Variants in ADAM29 observed in about 807,000 individuals in gnomAD.
The protein encoded by ADAM29 is disintegrin and metalloproteinase domain-containing protein 29.
For synonymous variants in ADAM29, 367 were observed against 342.3 expected (o/e 1.07, Z -0.80); for missense variants, 969 against 1,001.8 (o/e 0.97, Z 0.44).
chr4:174,949,732 C>T (rs1481209044), intron 4 of ADAM29, among the ~76,000 whole-genome samples: 3 of 152,038 alleles, frequency 2.0e-5, no homozygotes, highest in East Asian at 1.9e-4. Context: ...TCCTGAATCC[C>T]GTCCTATTTC....
At chr4:174,926,274 G>A (rs926191974) in intron 2 of ADAM29, among the ~76,000 whole-genome samples, 4 of 151,986 alleles carry the variant, frequency 2.6e-5, no homozygotes, top group Non-Finnish European at 5.9e-5. Flanking sequence ...GCTTCAAATT[G>A]ATGCTCAGAC....
intron 4 of ADAM29, among the ~76,000 whole-genome samples, chr4:174,965,033 TTTAG>T (rs1746067699): frequency 6.6e-6 from 1 of 152,176 alleles, no homozygotes; most frequent in Non-Finnish European, 1.5e-5. Flanking sequence ...TACCAAAATC[TTTAG>T]TTATCATTTC....
intron 4 of ADAM29, among the ~76,000 whole-genome samples, chr4:174,939,477 A>G (rs1400742353): frequency 6.6e-6 from 1 of 152,216 alleles, no homozygotes; most frequent in Non-Finnish European, 1.5e-5. Flanking sequence ...TATTTCAAGT[A>G]TAGATTTCAC....
chr4:174,960,090 ATGAAGT>A (rs1355365979), intron 4 of ADAM29, among the ~76,000 whole-genome samples: 2 of 152,056 alleles, frequency 1.3e-5, no homozygotes, highest in East Asian at 3.9e-4. Context: ...TAAAGGTGTT[ATGAAGT>A]TGTTTATAAT....
rs1248006205 is a variant in ADAM29 at position 174,975,400 on chromosome 4, A to T, written c.-126A>T. On this transcript the variant is annotated 5_prime_UTR_variant, in exon 5 of 5. Transcript: ENST00000359240. Reference sequence around the variant, plus strand: ...AAAAGATGGATCTTTAATGATTAGCACTACACACTGACCAACTCAGAAGAA... The same window carrying T: ...AAAAGATGGATCTTTAATGATTAGCTCTACACACTGACCAACTCAGAAGAA... 30 of 850,788 alleles carry T rather than the reference A, an allele frequency of 3.5e-5. No individual in the cohort carries two copies. Among genetic ancestry groups the T allele is most frequent in the Non-Finnish European group, 4.8e-5 (28 of 581,598 alleles). The allele number at this position is 850,788 out of a possible 1,614,324, so 52.7% of individuals were successfully genotyped here.
Position 174,941,674 on chromosome 4 carries a change from G to A in ADAM29, c.-181+4661G>A, listed in dbSNP as rs1415436093. Among the ~76,000 whole-genome samples the A allele has an allele frequency of 3.9e-5, 6 of 152,114 alleles. No individual in the cohort carries two copies. In the East Asian group the frequency reaches 9.7e-4, roughly 24 times the overall value. ...GTCCCTCTCCTGACAAATGAGGATT[G>A]CAATTTGAGATGAGATTGGGGGGAC... On this transcript the variant is annotated intron_variant, in intron 4 of 4. Coordinates refer to ENST00000359240, the MANE Select transcript of ADAM29 (RefSeq NM_014269.4).
At position 174,976,509 on chromosome 4, in the gene ADAM29, T is replaced by G. The variant is rs1746808727; in HGVS notation, c.984T>G (p.Ile328Met). ...ACAAAACTTTGGGCACTTTTTCAAT[T>G]GCAGTGGCTCATCATCTAGGTCATA... ...FMNKTLGTFS[I>M]AVAHHLGHNL... is the part of the protein sequence containing the mutation. Residue 328 changes from isoleucine to methionine, a missense_variant, in exon 5 of 5, where the codon ATT becomes ATG. Coordinates refer to ENST00000359240, the MANE Select transcript of ADAM29 (RefSeq NM_014269.4). The G allele has an allele frequency of 1.2e-6, 2 of 1,611,466 alleles. No individual in the cohort carries two copies. The highest frequency in any genetic ancestry group is 2.2e-5 in the South Asian group (2 of 90,532).
chr4:174,970,446 C>A (rs139933117), intron 4 of ADAM29, among the ~76,000 whole-genome samples: 118 of 151,852 alleles, frequency 7.8e-4, no homozygotes, highest in African/African-American at 2.7e-3. Flanking sequence ...CTACCTCAAA[C>A]CACCCTTGAA....
intron 2 of ADAM29, among the ~76,000 whole-genome samples, chr4:174,927,369 AT>A (rs1171355971): frequency 6.6e-6 from 1 of 152,188 alleles, no homozygotes; most frequent in East Asian, 1.9e-4. Flanking sequence ...AAAAACTGCA[AT>A]TACTTTTGCA....
intron 4 of ADAM29, among the ~76,000 whole-genome samples, chr4:174,949,793 C>A (rs6841560): frequency 0.5 from 75,479 of 151,676 alleles, 19,520 homozygotes; most frequent in East Asian, 0.57. Context: ...TGCATCCATC[C>A]GCATTTAAAA....
intron 4 of ADAM29, among the ~76,000 whole-genome samples, chr4:174,943,092 C>T (rs1744635982): frequency 1.3e-5 from 2 of 152,184 alleles, no homozygotes; most frequent in Non-Finnish European, 2.9e-5. Context: ...GTGACCTTTG[C>T]TCCAGTTCCC....
At chr4:174,919,529 G>T (rs1164293708) in intron 1 of ADAM29, among the ~76,000 whole-genome samples, 2 of 152,142 alleles carry the variant, frequency 1.3e-5, no homozygotes, top group Admixed American at 6.6e-5. Flanking sequence ...CCACGTTGCA[G>T]TTCTCTTCTG....
Position 174,969,632 on chromosome 4 carries a change from C to T in ADAM29, c.-180-5714C>T, listed in dbSNP as rs527847632. On this transcript the variant is annotated intron_variant, in intron 4 of 4. Transcript: ENST00000359240. ...AGTAATGTACATACATAAAAGAATG[C>T]TATACCAACATAATTTTTTAAAGTT... Among the ~76,000 whole-genome samples, 22 of 151,850 alleles carry T rather than the reference C, an allele frequency of 1.4e-4. No individual in the cohort carries two copies. In the South Asian group the frequency reaches 4.6e-3, roughly 32 times the overall value.
chr4:174,952,350 C>CCA (rs70947476), intron 4 of ADAM29, among the ~76,000 whole-genome samples: 12,542 of 144,814 alleles, frequency 0.087, 1,087 homozygotes, highest in African/African-American at 0.24. Context: ...AGTGCAATAA[C>CCA]CACACACACA....
At chr4:174,954,256 C>T (rs1745363675) in intron 4 of ADAM29, among the ~76,000 whole-genome samples, 1 of 152,110 alleles carries the variant, frequency 6.6e-6, no homozygotes, top group Non-Finnish European at 1.5e-5. Flanking sequence ...CCCTTTGCCT[C>T]TCATTTCCTG....
Position 174,951,321 on chromosome 4 carries a change from T to C in ADAM29, c.-181+14308T>C, listed in dbSNP as rs147583092. ...AAACATATGCCAGTTCTAAATAGCG[T>C]TGATTATTATTCTTTAAAGGTACTT... On this transcript the variant is annotated intron_variant, in intron 4 of 4. Transcript: ENST00000359240. Among the ~76,000 whole-genome samples the C allele has an allele frequency of 5.0e-3, 758 of 152,288 alleles. 8 individuals carry two copies. Among genetic ancestry groups the C allele is most frequent in the African/African-American group, 0.017 (688 of 41,564 alleles).
At chr4:174,969,062 T>C (rs1401946365) in intron 4 of ADAM29, among the ~76,000 whole-genome samples, 2 of 152,058 alleles carry the variant, frequency 1.3e-5, no homozygotes, top group Non-Finnish European at 2.9e-5. Context: ...ACAAAGACTT[T>C]CCATCACATA....
chr4:174,932,868 C>T (rs1283848764), intron 3 of ADAM29, among the ~76,000 whole-genome samples: 1 of 152,092 alleles, frequency 6.6e-6, no homozygotes, highest in Non-Finnish European at 1.5e-5. Context: ...TGTCAGGAAT[C>T]AAAGAATAGA....
chr4:174,922,578 T>C (rs2110892049), intron 2 of ADAM29, among the ~76,000 whole-genome samples: 1 of 152,238 alleles, frequency 6.6e-6, no homozygotes, highest in South Asian at 2.1e-4. Flanking sequence ...CATACTTTGG[T>C]GGGTTTTTAC....
Sources: gnomAD v4.1 joint callset for allele counts (sites outside exome capture counted in the v4.1 genomes callset) on GRCh38, gnomAD v4.1.1 for gene constraint, MANE v1.5 for transcripts, NCBI Gene and HGNC (gene_info 2026-07-23, HGNC 2026-07-21) for gene names.